The following PTPRD variants were observed in gnomAD, a reference collection of about 807,000 sequenced individuals.
PTPRD encodes protein tyrosine phosphatase receptor type D.
Under a neutral mutation model 214.5 loss-of-function variants are expected in PTPRD, and 34 were observed. The observed-to-expected ratio is 0.16, with a 90% CI of 0.12 to 0.21. The LOEUF (loss-of-function observed/expected upper bound fraction) is 0.21, where lower values mean the gene tolerates loss of function less well. PTPRD is among the 10% of genes least tolerant of loss of function. PTPRD has a pLI of 1.00. For missense variants in PTPRD, 2,545 were observed against 2,398.7 expected (o/e 1.06, Z -1.27); for synonymous variants, 1,128 against 845.7 (o/e 1.33, Z -5.79).
chr9:9,823,721 G>A (rs1183261258), intron 5 of PTPRD, among the ~76,000 whole-genome samples: 1 of 151,988 alleles, frequency 6.6e-6, no homozygotes, highest in Admixed American at 6.6e-5. Flanking sequence ...ACTACCAGAG[G>A]CTAGGAATTA....
intron 2 of PTPRD, among the ~76,000 whole-genome samples, chr9:10,389,239 T>C (rs891988501): frequency 6.6e-6 from 1 of 151,874 alleles, no homozygotes; most frequent in Non-Finnish European, 1.5e-5. Flanking sequence ...GCTATCACAA[T>C]GAAAGGTTTA....
intron 4 of PTPRD, among the ~76,000 whole-genome samples, chr9:9,962,399 T>C (rs1253525151): frequency 6.6e-6 from 1 of 152,096 alleles, no homozygotes. Flanking sequence ...TTCCTATCTA[T>C]CCAGCTAAAC....
intron 2 of PTPRD, among the ~76,000 whole-genome samples, chr9:10,408,948 A>G (rs1213393356): frequency 6.6e-6 from 1 of 151,766 alleles, no homozygotes; most frequent in Admixed American, 6.6e-5. Flanking sequence ...AACCTGTTCA[A>G]TAGATATATG....
intron 2 of PTPRD, among the ~76,000 whole-genome samples, chr9:10,495,208 C>T (rs1373221492): frequency 6.6e-6 from 1 of 151,682 alleles, no homozygotes; most frequent in African/African-American, 2.4e-5. Flanking sequence ...GTAGAGTTAT[C>T]AGAAATCAGT....
intron 9 of PTPRD, among the ~76,000 whole-genome samples, chr9:9,296,660 AAG>A (rs1172094451): frequency 6.6e-6 from 1 of 151,684 alleles, no homozygotes; most frequent in Non-Finnish European, 1.5e-5. Context: ...TATGTCAGTT[AAG>A]AGAGAGAATG....
chr9:8,810,763 A>C (rs1566254017), intron 11 of PTPRD, among the ~76,000 whole-genome samples: 1 of 152,174 alleles, frequency 6.6e-6, no homozygotes, highest in Non-Finnish European at 1.5e-5. Flanking sequence ...TTCAGAACTA[A>C]CTCTAATAAT....
chr9:8,895,529 C>T, intron 11 of PTPRD, among the ~76,000 whole-genome samples: 1 of 152,056 alleles, frequency 6.6e-6, no homozygotes, highest in Non-Finnish European at 1.5e-5. Context: ...CAGGGAAGTC[C>T]AACAGACTTC....
chr9:8,499,770 G>C lies in PTPRD; in HGVS notation c.2199C>G (p.Arg733=), dbSNP rs115415584. The C allele has an allele frequency of 1.2e-6, 2 of 1,614,046 alleles. No homozygotes were observed. The highest frequency in any genetic ancestry group is 1.7e-6 in the Non-Finnish European group (2 of 1,179,978). The change falls in exon 25 of 46, where the codon CGC becomes CGG. Residue 733 remains arginine (R), a synonymous_variant. Transcript: ENST00000381196. ...CATGCTGTTTATTGGGCACGGGTGA[G>C]CGCCATGAGACTTTAACAGATGTTG... The part of the protein sequence containing the change: ...VNSTSVKVSW[R]SPVPNKQHGQ...
intron 2 of PTPRD, among the ~76,000 whole-genome samples, chr9:10,451,864 T>C (rs1047887431): frequency 2.0e-5 from 3 of 152,014 alleles, no homozygotes; most frequent in African/African-American, 7.2e-5. Flanking sequence ...CCTACTCGTA[T>C]GTTACATACC....
intron 2 of PTPRD, among the ~76,000 whole-genome samples, chr9:10,396,555 G>A (rs1397050976): frequency 6.6e-6 from 1 of 151,920 alleles, no homozygotes; most frequent in Non-Finnish European, 1.5e-5. Context: ...TAATCCCTCT[G>A]CCAGATTCTG....
intron 11 of PTPRD, among the ~76,000 whole-genome samples, chr9:8,945,995 A>C (rs1245461684): frequency 2.6e-5 from 4 of 152,190 alleles, no homozygotes; most frequent in Admixed American, 1.3e-4. Flanking sequence ...TTCCCCTAGG[A>C]AAGTCCTCCT....
chr9:8,877,487 T>C (rs1403343420), intron 11 of PTPRD, among the ~76,000 whole-genome samples: 1 of 152,176 alleles, frequency 6.6e-6, no homozygotes, highest in African/African-American at 2.4e-5. Context: ...CAATAATAAA[T>C]TAACTTATTA....
Position 9,505,318 on chromosome 9 carries a change from T to C in PTPRD, c.-237+69414A>G, listed in dbSNP as rs535975824. Among the ~76,000 whole-genome samples, 36 of 151,738 alleles carry C rather than the reference T, an allele frequency of 2.4e-4. No individual in the cohort carries two copies. In the South Asian group the frequency reaches 4.1e-3, roughly 17 times the overall value. On this transcript the variant is annotated intron_variant, in intron 8 of 45. Coordinates refer to ENST00000381196, the MANE Select transcript of PTPRD (RefSeq NM_002839.4). ...CTTCTCTTCTTTATAGATCATTTCA[T>C]ATCGTCACGTCATTTTTCAATCGTG...
chr9:8,934,772 C>T (rs1208541955), intron 11 of PTPRD, among the ~76,000 whole-genome samples: 3 of 151,362 alleles, frequency 2.0e-5, no homozygotes, highest in Non-Finnish European at 4.4e-5. Context: ...CCCTGTCTCT[C>T]CCACTCTCTA....
chr9:8,767,906 G>A lies in PTPRD; in HGVS notation c.-103-33960C>T, dbSNP rs147219626. Among the ~76,000 whole-genome samples, 21 of 152,238 alleles carry A rather than the reference G, an allele frequency of 1.4e-4. No individual in the cohort carries two copies. In the East Asian group the frequency reaches 3.7e-3, roughly 27 times the overall value. ...GCTGTGTATGGGAAAGATGAAAAAGGAAACATATATAACTAAACATGGTGA... is the reference window on the plus strand; with the variant it reads ...GCTGTGTATGGGAAAGATGAAAAAGAAAACATATATAACTAAACATGGTGA... On this transcript the variant is annotated intron_variant, in intron 11 of 45. Transcript: ENST00000381196.
At chr9:8,786,830 A>T (rs972060325) in intron 11 of PTPRD, among the ~76,000 whole-genome samples, 3 of 151,960 alleles carry the variant, frequency 2.0e-5, no homozygotes, top group African/African-American at 7.3e-5. Context: ...TATTTTAAGT[A>T]TCTCACCTAA....
chr9:10,102,952 T>C (rs541345915), intron 3 of PTPRD, among the ~76,000 whole-genome samples: 1 of 151,882 alleles, frequency 6.6e-6, no homozygotes, highest in South Asian at 2.1e-4. Context: ...CTTCATTCAT[T>C]CCTTCAATAT....
chr9:9,584,601 A>T (rs574442494), intron 7 of PTPRD, among the ~76,000 whole-genome samples: 18 of 152,086 alleles, frequency 1.2e-4, no homozygotes, highest in African/African-American at 4.3e-4. Context: ...CAACTTCGTT[A>T]TTCTACACTT....
chr9:8,725,226 T>G (rs978372245), intron 12 of PTPRD, among the ~76,000 whole-genome samples: 1 of 152,214 alleles, frequency 6.6e-6, no homozygotes, highest in Non-Finnish European at 1.5e-5. Flanking sequence ...GATGAGCCAC[T>G]TGGCTGCTTA....
Sources: allele counts gnomAD v4.1 joint callset (sites outside exome capture counted in the v4.1 genomes callset), GRCh38; gene constraint gnomAD v4.1.1; transcripts MANE v1.5; gene names NCBI Gene and HGNC (gene_info 2026-07-23, HGNC 2026-07-21).